MYO3A: variants seen among roughly 807,000 people sequenced by gnomAD.
MYO3A encodes myosin-IIIa.
A neutral mutation model predicts 192.7 loss-of-function variants in MYO3A; 180 were observed. The ratio of observed to expected loss-of-function variants is 0.93; its 90% CI spans 0.83 to 1.06. The LOEUF is 1.06. Among genes scored for constraint, MYO3A ranks in the 50% least tolerant of loss-of-function variants. The probability of loss-of-function intolerance (pLI) is 0.00; values close to 1 mark genes in which losing one functional copy is unlikely to be tolerated. For missense variants in MYO3A, 1,896 were observed against 1,905.0 expected (o/e 1.00, Z 0.09); for synonymous variants, 628 against 645.3 (o/e 0.97, Z 0.41).
intron 14 of MYO3A, among the ~76,000 whole-genome samples, chr10:26,080,187 A>G (rs1015511018): frequency 2.6e-5 from 4 of 152,200 alleles, no homozygotes. Flanking sequence ...TGTTTAACAT[A>G]ATCCCACATT....
chr10:26,068,057 A>T (rs573147655), intron 11 of MYO3A, among the ~76,000 whole-genome samples: 38 of 152,306 alleles, frequency 2.5e-4, no homozygotes, highest in Non-Finnish European at 4.3e-4. Flanking sequence ...TACATATAAA[A>T]TTTTTTAATA....
At chr10:26,148,780 C>T (rs538083814) in intron 23 of MYO3A, among the ~76,000 whole-genome samples, 1 of 152,240 alleles carries the variant, frequency 6.6e-6, no homozygotes, top group East Asian at 1.9e-4. Flanking sequence ...AACTGAAATT[C>T]TGGTTTTTGC....
chr10:26,182,442 A>G (rs924649405), intron 31 of MYO3A, among the ~76,000 whole-genome samples: 1 of 152,224 alleles, frequency 6.6e-6, no homozygotes, highest in Non-Finnish European at 1.5e-5. Flanking sequence ...CTTGATAGGA[A>G]CCAAAAACCC....
chr10:26,035,909 C>T (rs189667852), intron 10 of MYO3A, among the ~76,000 whole-genome samples: 1 of 152,006 alleles, frequency 6.6e-6, no homozygotes, highest in East Asian at 1.9e-4. Flanking sequence ...ATTCAATGGT[C>T]AAGGAATCTT....
chr10:26,156,784 A>G (rs1357194028), intron 25 of MYO3A, among the ~76,000 whole-genome samples: 1 of 152,162 alleles, frequency 6.6e-6, no homozygotes, highest in African/African-American at 2.4e-5. Flanking sequence ...AGATTATTTC[A>G]TCATGCAGGT....
intron 4 of MYO3A, among the ~76,000 whole-genome samples, chr10:25,992,648 G>A (rs1385103893): frequency 1.3e-5 from 2 of 152,150 alleles, no homozygotes; most frequent in Non-Finnish European, 1.5e-5. Flanking sequence ...CTGTGGGTTT[G>A]TCATAAATAG....
At chr10:26,101,568 A>G (rs1837454873) in intron 17 of MYO3A, among the ~76,000 whole-genome samples, 1 of 152,146 alleles carries the variant, frequency 6.6e-6, no homozygotes, top group South Asian at 2.1e-4. Context: ...TGCTTCCTTC[A>G]GGAGCTCTTG....
chr10:25,970,560 A>G (rs1027719275), intron 4 of MYO3A, among the ~76,000 whole-genome samples: 2 of 151,812 alleles, frequency 1.3e-5, no homozygotes, highest in Admixed American at 6.6e-5. Flanking sequence ...TAAATCCAAT[A>G]TAACCTAAAT....
intron 23 of MYO3A, 78 bp from the exon 24 acceptor site, chr10:26,153,758 CAATGCTTATTTTAA>C: frequency 1.2e-6 from 1 of 835,020 alleles, no homozygotes. Context: ...GCAGGATTAA[CAATGCTTATTTTAA>C]CATTTAAGTA....
At chr10:26,125,328 AC>A in intron 18 of MYO3A, 69 bp from the exon 19 acceptor site, 1 of 1,381,400 alleles carries the variant, frequency 7.2e-7, no homozygotes, top group Non-Finnish European at 1.0e-6. Flanking sequence ...GCAGATTAAG[AC>A]ATTTTCATTT....
intron 2 of MYO3A, among the ~76,000 whole-genome samples, chr10:25,947,817 A>G (rs780605815): frequency 6.6e-6 from 1 of 152,192 alleles, no homozygotes; most frequent in Non-Finnish European, 1.5e-5. Context: ...TGGACTATCT[A>G]CTATGTGTCA....
chr10:26,165,794 T>C (rs1841712391), intron 26 of MYO3A: 1 of 504,894 alleles, frequency 2.0e-6, no homozygotes, highest in Non-Finnish European at 3.5e-6. Flanking sequence ...TTTTGACTGA[T>C]GGAGTTCTTG....
intron 33 of MYO3A, among the ~76,000 whole-genome samples, chr10:26,201,585 C>G (rs1338832854): frequency 6.6e-6 from 1 of 151,544 alleles, no homozygotes; most frequent in African/African-American, 2.4e-5. Context: ...ACTCAGGAGG[C>G]TGAGGCAGGA....
chr10:26,149,789 A>G (rs1332349507), intron 23 of MYO3A, among the ~76,000 whole-genome samples: 2 of 152,164 alleles, frequency 1.3e-5, no homozygotes, highest in East Asian at 3.8e-4. Flanking sequence ...GCAATTTTCA[A>G]GTATATAATA....
At chr10:25,949,272 G>A (rs1256155950) in intron 2 of MYO3A, among the ~76,000 whole-genome samples, 2 of 151,992 alleles carry the variant, frequency 1.3e-5, no homozygotes, top group Non-Finnish European at 2.9e-5. Context: ...TTATGTCTGT[G>A]TATTGAAAAA....
intron 32 of MYO3A, among the ~76,000 whole-genome samples, chr10:26,199,156 T>C (rs919301101): frequency 2.6e-5 from 4 of 152,216 alleles, no homozygotes; most frequent in East Asian, 3.8e-4. Flanking sequence ...GTTTCTCATT[T>C]ACAATTTTTA....
intron 10 of MYO3A, among the ~76,000 whole-genome samples, chr10:26,053,553 C>T (rs1472993196): frequency 5.9e-5 from 9 of 152,116 alleles, no homozygotes; most frequent in Non-Finnish European, 8.8e-5. Flanking sequence ...CAGCTGGGCA[C>T]GGTGGCTCAC....
intron 29 of MYO3A, among the ~76,000 whole-genome samples, chr10:26,172,049 GCTAA>G (rs1444631522): frequency 1.3e-5 from 2 of 152,208 alleles, no homozygotes; most frequent in Non-Finnish European, 2.9e-5. Flanking sequence ...CATTGATTGG[GCTAA>G]CTCTCATGGG....
intron 6 of MYO3A, among the ~76,000 whole-genome samples, chr10:26,006,990 C>T (rs1338292475): frequency 6.8e-6 from 1 of 146,920 alleles, no homozygotes; most frequent in Non-Finnish European, 1.5e-5. Flanking sequence ...CAATAAAATA[C>T]TGGCAAACCG....
Sources: allele counts gnomAD v4.1 joint callset (sites outside exome capture counted in the v4.1 genomes callset), GRCh38; gene constraint gnomAD v4.1.1; transcripts MANE v1.5; gene names NCBI Gene and HGNC (gene_info 2026-07-23, HGNC 2026-07-21).